Variants in PCDH9 observed in about 807,000 individuals in gnomAD.
PCDH9 encodes protocadherin-9.
A neutral mutation model predicts 70.6 loss-of-function variants in PCDH9; 24 were observed. The observed-to-expected ratio is 0.34, with a 90% CI of 0.25 to 0.48. The LOEUF (loss-of-function observed/expected upper bound fraction) is 0.48, where lower values mean the gene tolerates loss of function less well. Ranked by LOEUF, PCDH9 falls within the 20% of genes least tolerant of loss-of-function variation. The pLI is 0.99. For synonymous variants in PCDH9, 562 were observed against 558.5 expected, an observed-to-expected ratio of 1.01 and a Z score of -0.09; for missense variants, 1,281 against 1,503.6, an observed-to-expected ratio of 0.85 and a Z score of 2.45.
chr13:66,942,357 C>A (rs2083019530), intron 2 of PCDH9, among the ~76,000 whole-genome samples: 1 of 151,638 alleles, frequency 6.6e-6, no homozygotes, highest in Admixed American at 6.6e-5. Flanking sequence ...AAAAAATTGG[C>A]ATAACCAATA....
At chr13:67,111,763 T>A (rs1017359493) in intron 2 of PCDH9, among the ~76,000 whole-genome samples, 2 of 152,192 alleles carry the variant, frequency 1.3e-5, no homozygotes, top group Non-Finnish European at 2.9e-5. Flanking sequence ...AGACAAAATG[T>A]AAATGTAATT....
intron 3 of PCDH9, among the ~76,000 whole-genome samples, chr13:66,826,340 G>A (rs1425098678): frequency 1.3e-5 from 2 of 152,066 alleles, no homozygotes; most frequent in Admixed American, 1.3e-4. Flanking sequence ...TCTTCTTGTG[G>A]CTTATGTTGA....
chr13:66,679,719 A>G (rs78165756), intron 3 of PCDH9, among the ~76,000 whole-genome samples: 144 of 152,044 alleles, frequency 9.5e-4, no homozygotes, highest in African/African-American at 3.4e-3. Context: ...AGGAATATAG[A>G]GACATAATTG....
At chr13:66,539,753 A>G (rs1011986514) in intron 4 of PCDH9, among the ~76,000 whole-genome samples, 1 of 151,928 alleles carries the variant, frequency 6.6e-6, no homozygotes, top group East Asian at 1.9e-4. Context: ...AAAGCTTAAC[A>G]TTTACAATTT....
chr13:66,751,954 G>C (rs118051186), intron 3 of PCDH9, among the ~76,000 whole-genome samples: 29 of 152,280 alleles, frequency 1.9e-4, no homozygotes, highest in African/African-American at 6.5e-4. Flanking sequence ...AAACAAAAAT[G>C]TGAACTGAGT....
chr13:67,204,398 C>T (rs2089289795), intron 2 of PCDH9: 1 of 152,136 alleles, frequency 6.6e-6, no homozygotes, highest in Admixed American at 6.6e-5. Flanking sequence ...GCCTTGTCTA[C>T]TACATCACCT....
intron 4 of PCDH9, among the ~76,000 whole-genome samples, chr13:66,590,788 T>C (rs538633425): frequency 1.1e-4 from 16 of 152,016 alleles, no homozygotes; most frequent in African/African-American, 3.9e-4. Context: ...TTTAACTCCC[T>C]AGACTTAAAA....
chr13:67,109,806 A>G (rs17588376), intron 2 of PCDH9, among the ~76,000 whole-genome samples: 1,685 of 152,248 alleles, frequency 0.011, 21 homozygotes, highest in Non-Finnish European at 0.017. Flanking sequence ...AGGACAAGCT[A>G]TTTTTCATCT....
intron 3 of PCDH9, among the ~76,000 whole-genome samples, chr13:66,637,783 A>G (rs1458084908): frequency 1.3e-5 from 2 of 151,884 alleles, no homozygotes; most frequent in Admixed American, 6.6e-5. Context: ...GTGTGGTGGC[A>G]GGCACCTGTA....
At chr13:66,642,289 G>C (rs528724848) in intron 3 of PCDH9, among the ~76,000 whole-genome samples, 2 of 152,062 alleles carry the variant, frequency 1.3e-5, no homozygotes, top group African/African-American at 2.4e-5. Flanking sequence ...AATTAATGAA[G>C]ATAAATTCTG....
intron 4 of PCDH9, among the ~76,000 whole-genome samples, chr13:66,549,647 A>G (rs548010008): frequency 6.6e-6 from 1 of 152,256 alleles, no homozygotes; most frequent in East Asian, 1.9e-4. Context: ...TAAGAGTTTG[A>G]ATCAAAAATT....
chr13:66,339,992 C>G (rs116830697), intron 4 of PCDH9, among the ~76,000 whole-genome samples: 3 of 152,144 alleles, frequency 2.0e-5, no homozygotes, highest in Admixed American at 1.3e-4. Context: ...CTGACATGAA[C>G]TTCCTCCTTT....
intron 2 of PCDH9, among the ~76,000 whole-genome samples, chr13:67,072,382 C>T (rs1279171469): frequency 3.3e-5 from 5 of 152,162 alleles, no homozygotes; most frequent in African/African-American, 2.4e-5. Flanking sequence ...GCTGAGGTCC[C>T]TGCATTTTTC....
At chr13:66,336,021 G>A (rs1956031612) in intron 4 of PCDH9, among the ~76,000 whole-genome samples, 2 of 151,966 alleles carry the variant, frequency 1.3e-5, no homozygotes, top group African/African-American at 2.4e-5. Flanking sequence ...CTGGACTGTG[G>A]CCCCTTCTAA....
intron 3 of PCDH9, among the ~76,000 whole-genome samples, chr13:66,748,611 A>T (rs1223919548): frequency 2.0e-5 from 3 of 152,184 alleles, no homozygotes; most frequent in African/African-American, 4.8e-5. Context: ...AGCAGACTCC[A>T]TGTGCAGCTC....
At chr13:67,101,012 T>C (rs766959463) in intron 2 of PCDH9, among the ~76,000 whole-genome samples, 1 of 152,190 alleles carries the variant, frequency 6.6e-6, no homozygotes, top group Admixed American at 6.5e-5. Flanking sequence ...TGCCTAACCA[T>C]GACCACTAGT....
At chr13:67,124,936 A>G (rs2086947314) in intron 2 of PCDH9, among the ~76,000 whole-genome samples, 1 of 152,144 alleles carries the variant, frequency 6.6e-6, no homozygotes, top group African/African-American at 2.4e-5. Context: ...TCATTAGGAG[A>G]GTGACTTTTT....
Position 67,225,850 on chromosome 13 carries a change from T to C in PCDH9, c.2591A>G (p.Lys864Arg). 6.2e-7 allele frequency: 1 copy of C among 1,614,154 alleles called. No homozygotes were observed. Among genetic ancestry groups the C allele is most frequent in the Non-Finnish European group, 8.5e-7 (1 of 1,180,044 alleles). Residue 864 changes from lysine to arginine, a missense_variant, in exon 2 of 5, where the codon AAG (lysine) becomes AGG (arginine). Physicochemically the swap from Lys to Arg is conservative, Grantham distance 26. Transcript: ENST00000377865. ...CTTTCTTTTCTTTTTCTTGTTTTGC[T>C]TGTTCTCCTGGTTTGGGGACATCCA... is the stretch of plus-strand genomic sequence containing the variant. ...AEWMSPNQEN[K>R]QNKKKKRKKR... is the part of the protein sequence containing the mutation.
intron 2 of PCDH9, among the ~76,000 whole-genome samples, chr13:67,187,651 TTTA>T (rs2088793403): frequency 6.6e-6 from 1 of 152,108 alleles, no homozygotes; most frequent in Non-Finnish European, 1.5e-5. Flanking sequence ...AGAAATCATA[TTTA>T]TTTATATTTT....
Sources: allele counts gnomAD v4.1 joint callset (sites outside exome capture counted in the v4.1 genomes callset), GRCh38; gene constraint gnomAD v4.1.1; transcripts MANE v1.5; gene names NCBI Gene and HGNC (gene_info 2026-07-23, HGNC 2026-07-21).